The following GARIN5A variants were observed in gnomAD, a reference collection of about 807,000 sequenced individuals.
GARIN5A encodes the protein Golgi-associated RAB2 interactor protein 5A.
At chr19:50,475,917 A>G in the GARIN5A span, 1 of 1,613,710 alleles carries the variant, frequency 6.2e-7, no homozygotes, top group Non-Finnish European at 8.5e-7. Context: ...GCCGTCTGGG[A>G]CGGCCCGTGG....
At chr19:50,471,529 CA>C in the GARIN5A span, among the ~76,000 whole-genome samples, 1 of 152,108 alleles carries the variant, frequency 6.6e-6, no homozygotes, top group Non-Finnish European at 1.5e-5. Context: ...CTCAGCCTCC[CA>C]AAGTGCTGGG....
At chr19:50,476,242 G>A in the GARIN5A span, 1 of 1,613,420 alleles carries the variant, frequency 6.2e-7, no homozygotes, top group Non-Finnish European at 8.5e-7. Flanking sequence ...GGAGCAGAGG[G>A]AGAAAGCGAG....
At chr19:50,472,208 A>G in the GARIN5A span, among the ~76,000 whole-genome samples, 30 of 145,904 alleles carry the variant, frequency 2.1e-4, no homozygotes, top group East Asian at 6.6e-4. Context: ...GCATGTATAT[A>G]CATGTGTGTA....
the GARIN5A span, among the ~76,000 whole-genome samples, chr19:50,471,921 T>C: frequency 6.6e-6 from 1 of 151,744 alleles, no homozygotes. Flanking sequence ...TGTATATGTG[T>C]ATATACATGT....
At chr19:50,467,897 G>C in the GARIN5A span, 5 of 1,491,572 alleles carry the variant, frequency 3.4e-6, no homozygotes, top group Non-Finnish European at 1.8e-6. Context: ...TCGGGGTCAG[G>C]GGTCCCCACC....
chr19:50,467,612 C>T, the GARIN5A span: 57 of 1,552,866 alleles, frequency 3.7e-5, no homozygotes, highest in South Asian at 6.8e-4. Context: ...CCATCTACAT[C>T]CTCCAGCACC....
At chr19:50,470,779 C>T in the GARIN5A span, among the ~76,000 whole-genome samples, 7 of 150,144 alleles carry the variant, frequency 4.7e-5, no homozygotes, top group Middle Eastern at 6.8e-3. Flanking sequence ...CTCAGCCTCC[C>T]GAGTAGCTGG....
chr19:50,476,811 C>T, the GARIN5A span: 2 of 554,038 alleles, frequency 3.6e-6, no homozygotes, highest in East Asian at 6.7e-5. Context: ...CACGCACGCG[C>T]AGGAGGGGCC....
At chr19:50,476,268 G>T in the GARIN5A span, 1 of 1,609,300 alleles carries the variant, frequency 6.2e-7, no homozygotes, top group Non-Finnish European at 8.5e-7. Context: ...GGGACTACGC[G>T]CACTGTGACG....
the GARIN5A span, chr19:50,475,682 A>G: frequency 1.4e-6 from 1 of 690,022 alleles, no homozygotes; most frequent in Non-Finnish European, 2.5e-6. Context: ...AATCTAGAGA[A>G]CTAGAAGTAT....
At chr19:50,472,050 ATATACGTGTGTGTATATG>A in the GARIN5A span, among the ~76,000 whole-genome samples, 53 of 142,372 alleles carry the variant, frequency 3.7e-4, no homozygotes, top group African/African-American at 1.2e-3. Flanking sequence ...GTATATGTAT[ATATACGTGTGTGTATATG>A]TGTATATATA....
At chr19:50,476,575 C>T in the GARIN5A span, 1 of 1,574,660 alleles carries the variant, frequency 6.4e-7, no homozygotes, top group Non-Finnish European at 8.6e-7. Flanking sequence ...GGCAACCCGG[C>T]TGCTCCTGCT....
chr19:50,476,406 C>T, the GARIN5A span: 1 of 1,549,370 alleles, frequency 6.5e-7, no homozygotes, highest in Non-Finnish European at 8.7e-7. Context: ...ACGTCAGGCC[C>T]CAGGTGCGGA....
At chr19:50,469,250 C>T in the GARIN5A span, among the ~76,000 whole-genome samples, 1 of 152,194 alleles carries the variant, frequency 6.6e-6, no homozygotes, top group Non-Finnish European at 1.5e-5. Context: ...AGATGGTTCC[C>T]TCCACCTGAA....
chr19:50,472,279 A>C, the GARIN5A span, among the ~76,000 whole-genome samples: 1 of 151,516 alleles, frequency 6.6e-6, no homozygotes, highest in Admixed American at 6.6e-5. Context: ...ATGTATATAT[A>C]CATGTATGTG....
the GARIN5A span, among the ~76,000 whole-genome samples, chr19:50,474,204 C>T: frequency 6.7e-6 from 1 of 149,666 alleles, no homozygotes; most frequent in Non-Finnish European, 1.5e-5. Context: ...GAGACAGAGT[C>T]TCACTCATTC....
At chr19:50,472,127 C>CGTGTGTATATGTATATAT in the GARIN5A span, among the ~76,000 whole-genome samples, 1 of 135,260 alleles carries the variant, frequency 7.4e-6, no homozygotes, top group African/African-American at 3.0e-5. Flanking sequence ...TGTATATATA[C>CGTGTGTATATGTATATAT]GTGTGTATAT....
At chr19:50,472,179 T>TGTATACGTGTGTATATGC in the GARIN5A span, among the ~76,000 whole-genome samples, 3 of 142,060 alleles carry the variant, frequency 2.1e-5, no homozygotes, top group East Asian at 2.1e-4. Flanking sequence ...TGTGTATATG[T>TGTATACGTGTGTATATGC]ATGTATACAT....
the GARIN5A span, chr19:50,476,285 T>C: frequency 7.5e-6 from 12 of 1,605,402 alleles, no homozygotes; most frequent in South Asian, 1.1e-5. Context: ...GACGTCATGA[T>C]GCGGAGCGGG....
Sources: gnomAD v4.1 joint callset for allele counts (sites outside exome capture counted in the v4.1 genomes callset) on GRCh38, gnomAD v4.1.1 for gene constraint, MANE v1.5 for transcripts, NCBI Gene and HGNC (gene_info 2026-07-23, HGNC 2026-07-21) for gene names.